The following ANO4 variants were observed in gnomAD, a reference collection of about 807,000 sequenced individuals.
ANO4 encodes the protein anoctamin-4.
Under a neutral mutation model 141.9 loss-of-function variants are expected in ANO4, and 69 were observed. The observed-to-expected ratio is 0.49, with a 90% CI of 0.40 to 0.59. The LOEUF is 0.59. ANO4 is among the 20% of genes least tolerant of loss of function. The pLI, the probability that ANO4 is intolerant of heterozygous loss-of-function variation, is 0.00. For missense variants in ANO4, 894 were observed against 1,162.2 expected (o/e 0.77, Z 3.36); for synonymous variants, 350 against 394.3 (o/e 0.89, Z 1.33).
chr12:100,873,313 A>G (rs1340085184), intron 1 of ANO4, among the ~76,000 whole-genome samples: 1 of 152,226 alleles, frequency 6.6e-6, no homozygotes, highest in African/African-American at 2.4e-5. Flanking sequence ...TGGAGGGCTC[A>G]GAGGAAGACA....
chr12:101,076,109 A>C (rs1297070003), intron 14 of ANO4, among the ~76,000 whole-genome samples: 1 of 152,166 alleles, frequency 6.6e-6, no homozygotes, highest in Admixed American at 6.5e-5. Flanking sequence ...TTAGCCAAAA[A>C]AGGGAATATT....
intron 15 of ANO4, among the ~76,000 whole-genome samples, chr12:101,081,266 A>G (rs2049266361): frequency 6.6e-6 from 1 of 152,072 alleles, no homozygotes; most frequent in Admixed American, 6.6e-5. Context: ...AAAATCTCTA[A>G]TGAAAAGAAG....
At chr12:100,940,840 G>T (rs2042480522) in intron 4 of ANO4, among the ~76,000 whole-genome samples, 1 of 152,144 alleles carries the variant, frequency 6.6e-6, no homozygotes, top group Admixed American at 6.5e-5. Flanking sequence ...GCCCATACTT[G>T]ATGGTCTCTT....
At chr12:100,758,308 T>G (rs925299070) in intron 3 of ANO4, among the ~76,000 whole-genome samples, 1 of 152,228 alleles carries the variant, frequency 6.6e-6, no homozygotes, top group Non-Finnish European at 1.5e-5. Context: ...GCTTGCCATG[T>G]GACTGGTGCC....
intron 1 of ANO4, among the ~76,000 whole-genome samples, chr12:100,857,346 A>C (rs2038228990): frequency 6.6e-6 from 1 of 152,186 alleles, no homozygotes; most frequent in African/African-American, 2.4e-5. Context: ...AGTACAGAAT[A>C]ATTACAACAT....
At chr12:101,101,730 T>C (rs1316338005) in intron 22 of ANO4, among the ~76,000 whole-genome samples, 1 of 151,798 alleles carries the variant, frequency 6.6e-6, no homozygotes, top group Non-Finnish European at 1.5e-5. Context: ...AAGACATCAG[T>C]GAGCCAAAAG....
At chr12:100,741,055 A>G (rs1270607897) in intron 3 of ANO4, among the ~76,000 whole-genome samples, 2 of 152,242 alleles carry the variant, frequency 1.3e-5, no homozygotes, top group East Asian at 3.8e-4. Context: ...CTTAAAATTT[A>G]TCGCTTATAT....
intron 1 of ANO4, among the ~76,000 whole-genome samples, chr12:100,840,815 GA>G (rs1054773623): frequency 6.6e-6 from 1 of 152,094 alleles, no homozygotes; most frequent in African/African-American, 2.4e-5. Context: ...TCTTACCTGT[GA>G]ATTGGCCAAA....
intron 17 of ANO4, among the ~76,000 whole-genome samples, chr12:101,088,103 C>T (rs1179721124): frequency 6.6e-6 from 1 of 152,140 alleles, no homozygotes; most frequent in Non-Finnish European, 1.5e-5. Flanking sequence ...AGTGGCCTCA[C>T]GGGCTTTCGC....
At chr12:101,104,551 A>G (rs1310367119) in intron 22 of ANO4, among the ~76,000 whole-genome samples, 2 of 146,900 alleles carry the variant, frequency 1.4e-5, no homozygotes, top group African/African-American at 5.0e-5. Context: ...CTGTTATCAG[A>G]GTATATTCTC....
chr12:101,034,932 CAT>C (rs1679622416), intron 9 of ANO4, among the ~76,000 whole-genome samples: 1 of 152,156 alleles, frequency 6.6e-6, no homozygotes, highest in African/African-American at 2.4e-5. Flanking sequence ...CTTGAACTCT[CAT>C]ATGCTGCTGA....
intron 1 of ANO4, among the ~76,000 whole-genome samples, chr12:100,882,884 A>G (rs2039638478): frequency 6.6e-6 from 1 of 151,984 alleles, no homozygotes; most frequent in South Asian, 2.1e-4. Context: ...ATTTTTTAGT[A>G]GAGACGAGGT....
chr12:101,121,179 G>T (rs928050083), intron 26 of ANO4, among the ~76,000 whole-genome samples: 1 of 152,134 alleles, frequency 6.6e-6, no homozygotes, highest in Non-Finnish European at 1.5e-5. Context: ...CACCCAGGTA[G>T]CGAGCATAGT....
At chr12:100,755,958 A>T (rs1232827915) in intron 3 of ANO4, among the ~76,000 whole-genome samples, 2 of 152,226 alleles carry the variant, frequency 1.3e-5, no homozygotes, top group African/African-American at 4.8e-5. Context: ...GTTTGCAAAG[A>T]GATTCTGAAT....
intron 3 of ANO4, among the ~76,000 whole-genome samples, chr12:100,772,227 C>T (rs2033329693): frequency 6.6e-6 from 1 of 152,222 alleles, no homozygotes; most frequent in Non-Finnish European, 1.5e-5. Context: ...AGCTCTACAG[C>T]TGTCTTCAGA....
intron 2 of ANO4, among the ~76,000 whole-genome samples, chr12:100,919,097 A>C (rs1324843335): frequency 6.6e-6 from 1 of 152,210 alleles, no homozygotes; most frequent in Non-Finnish European, 1.5e-5. Flanking sequence ...TTATGGAGCT[A>C]TAAAATGTGT....
intron 3 of ANO4, among the ~76,000 whole-genome samples, chr12:100,782,918 G>A (rs1002661376): frequency 9.9e-5 from 15 of 152,114 alleles, no homozygotes; most frequent in African/African-American, 3.4e-4. Context: ...ATTTCTACCA[G>A]GTGCTAATTT....
At chr12:101,032,201 C>T (rs537828958) in intron 9 of ANO4, among the ~76,000 whole-genome samples, 3 of 152,232 alleles carry the variant, frequency 2.0e-5, no homozygotes, top group African/African-American at 7.2e-5. Flanking sequence ...GCTGCAGTAA[C>T]CAAAACAGCA....
intron 3 of ANO4, among the ~76,000 whole-genome samples, chr12:100,773,848 C>T (rs1303451997): frequency 1.3e-5 from 2 of 152,174 alleles, no homozygotes. Flanking sequence ...TGAAGTTCAG[C>T]CCTTTAGAAA....
Sources: gnomAD v4.1 joint callset for allele counts (sites outside exome capture counted in the v4.1 genomes callset) on GRCh38, gnomAD v4.1.1 for gene constraint, MANE v1.5 for transcripts, NCBI Gene and HGNC (gene_info 2026-07-23, HGNC 2026-07-21) for gene names.